TMTC2: variants seen among roughly 807,000 people sequenced by gnomAD.
The protein encoded by TMTC2 is transmembrane O-mannosyltransferase targeting cadherins 2.
In TMTC2, 43 loss-of-function variants were observed where a neutral mutation model predicts 82.4. The ratio of observed to expected loss-of-function variants is 0.52; its 90% CI spans 0.41 to 0.67. The LOEUF (loss-of-function observed/expected upper bound fraction) is 0.67. TMTC2 is among the 30% of genes least tolerant of loss of function. The probability of loss-of-function intolerance (pLI) is 0.00; values close to 1 mark genes in which losing one functional copy is unlikely to be tolerated. For synonymous variants in TMTC2, 408 were observed against 381.9 expected, an observed-to-expected ratio of 1.07 and a Z score of -0.80; for missense variants, 919 against 1,012.4, an observed-to-expected ratio of 0.91 and a Z score of 1.25.
At chr12:82,706,580 A>G (rs1172916185) in intron 1 of TMTC2, among the ~76,000 whole-genome samples, 1 of 152,194 alleles carries the variant, frequency 6.6e-6, no homozygotes, top group East Asian at 1.9e-4. Context: ...TTGGCTATAT[A>G]GGATTATATA....
intron 1 of TMTC2, among the ~76,000 whole-genome samples, chr12:82,786,358 T>C (rs1878174862): frequency 6.6e-6 from 1 of 152,078 alleles, no homozygotes; most frequent in Non-Finnish European, 1.5e-5. Flanking sequence ...AATGGAAAGG[T>C]ATCACAAGGT....
intron 1 of TMTC2, among the ~76,000 whole-genome samples, chr12:82,844,236 A>AT (rs1355628584): frequency 6.6e-6 from 1 of 152,164 alleles, no homozygotes; most frequent in African/African-American, 2.4e-5. Flanking sequence ...CAGGATGTGA[A>AT]TTTTTTTAAA....
chr12:83,008,025 C>T (rs1164149455), intron 8 of TMTC2, among the ~76,000 whole-genome samples: 1 of 151,948 alleles, frequency 6.6e-6, no homozygotes, highest in Non-Finnish European at 1.5e-5. Context: ...TGATTTTTTC[C>T]CCCCTGTTTG....
At position 82,806,119 on chromosome 12, in the gene TMTC2, A is replaced by C. The variant is rs576474663; in HGVS notation, c.84-50891A>C. The stretch of plus-strand genomic sequence containing the variant: ...TAGAGGGGAGGGAAGCACTGGGAGG[A>C]ATTGGAAGGAAATCTTATTTTGTGC... On this transcript the variant is annotated intron_variant, in intron 1 of 11. Coordinates refer to ENST00000321196, the MANE Select transcript of TMTC2 (RefSeq NM_152588.3). Among the ~76,000 whole-genome samples the C allele has an allele frequency of 1.2e-4, 18 of 152,186 alleles. 1 individual carries two copies. The South Asian group carries it at 3.5e-3, about 30-fold the overall frequency.
chr12:82,737,258 A>T (rs1049428747), intron 1 of TMTC2, among the ~76,000 whole-genome samples: 2 of 152,210 alleles, frequency 1.3e-5, no homozygotes, highest in African/African-American at 4.8e-5. Flanking sequence ...GTTTAGCAGT[A>T]ATTTAGCCAA....
At chr12:83,019,829 C>G (rs924066151) in intron 8 of TMTC2, among the ~76,000 whole-genome samples, 1 of 152,088 alleles carries the variant, frequency 6.6e-6, no homozygotes, top group Non-Finnish European at 1.5e-5. Context: ...TCCTCAGTAC[C>G]CTCAGAGTGA....
intron 1 of TMTC2, among the ~76,000 whole-genome samples, chr12:82,834,184 G>A (rs1436399034): frequency 2.0e-5 from 3 of 152,120 alleles, no homozygotes; most frequent in Non-Finnish European, 4.4e-5. Context: ...CTTACAGGAA[G>A]ACATTAATTA....
At chr12:83,113,776 A>G (rs1196263670) in intron 11 of TMTC2, among the ~76,000 whole-genome samples, 2 of 152,246 alleles carry the variant, frequency 1.3e-5, no homozygotes, top group Non-Finnish European at 2.9e-5. Flanking sequence ...GCGATGCATC[A>G]GTCAGTATGT....
intron 1 of TMTC2, among the ~76,000 whole-genome samples, chr12:82,735,137 C>T (rs1875018356): frequency 6.6e-6 from 1 of 152,028 alleles, no homozygotes; most frequent in Non-Finnish European, 1.5e-5. Flanking sequence ...TCAGGATGTG[C>T]CCCTCAAAAC....
chr12:82,899,533 A>ATG (rs1451894029), intron 3 of TMTC2, among the ~76,000 whole-genome samples: 3 of 145,550 alleles, frequency 2.1e-5, no homozygotes, highest in Non-Finnish European at 4.5e-5. Flanking sequence ...GAATATATAT[A>ATG]TGTGTGGAAT....
chr12:82,796,808 A>G (rs970041366), intron 1 of TMTC2, among the ~76,000 whole-genome samples: 4 of 152,044 alleles, frequency 2.6e-5, no homozygotes, highest in African/African-American at 9.7e-5. Context: ...CAGTTCTACA[A>G]CTTACCAGCT....
intron 4 of TMTC2, among the ~76,000 whole-genome samples, chr12:82,949,418 TA>T (rs754637945): frequency 1.3e-5 from 2 of 152,222 alleles, no homozygotes; most frequent in Non-Finnish European, 2.9e-5. Flanking sequence ...TATATGGACT[TA>T]CCAGAGTCAT....
intron 3 of TMTC2, among the ~76,000 whole-genome samples, chr12:82,925,719 T>G (rs2137235361): frequency 6.6e-6 from 1 of 152,330 alleles, no homozygotes; most frequent in Non-Finnish European, 1.5e-5. Flanking sequence ...ATGGTAAACT[T>G]AACAGATGTT....
intron 10 of TMTC2, among the ~76,000 whole-genome samples, chr12:83,055,517 C>T (rs904713411): frequency 2.0e-5 from 3 of 151,892 alleles, no homozygotes; most frequent in African/African-American, 7.3e-5. Context: ...ATATCTATAG[C>T]GTTATGAGAA....
intron 7 of TMTC2, among the ~76,000 whole-genome samples, chr12:82,969,117 C>T (rs746758148): frequency 6.6e-6 from 1 of 152,096 alleles, no homozygotes; most frequent in Non-Finnish European, 1.5e-5. Flanking sequence ...GATTAGCCTC[C>T]ATTTGACAAG....
chr12:82,926,577 A>G (rs2137236854), intron 3 of TMTC2, among the ~76,000 whole-genome samples: 1 of 152,350 alleles, frequency 6.6e-6, no homozygotes, highest in Non-Finnish European at 1.5e-5. Context: ...CTACAACTAA[A>G]CAATGGGTTT....
intron 3 of TMTC2, among the ~76,000 whole-genome samples, chr12:82,909,811 C>T (rs1056423044): frequency 5.9e-5 from 9 of 152,166 alleles, no homozygotes; most frequent in Non-Finnish European, 4.4e-5. Context: ...GAAATATCTT[C>T]AAATCTGACA....
chr12:82,758,125 T>C lies in TMTC2; in HGVS notation c.83+70456T>C, dbSNP rs540257039. ...TAAAAGAATATGAATAACCTGAATA[T>C]CTGTATACTTCTCCCAGATATCATA... On this transcript the variant is annotated intron_variant, in intron 1 of 11. Coordinates refer to ENST00000321196, the MANE Select transcript of TMTC2 (RefSeq NM_152588.3). Among the ~76,000 whole-genome samples the C allele has an allele frequency of 7.2e-4, 110 of 152,288 alleles. 1 individual carries two copies. In the South Asian group the frequency reaches 0.022, roughly 31 times the overall value.
intron 8 of TMTC2, among the ~76,000 whole-genome samples, chr12:83,011,820 A>G (rs964077940): frequency 1.3e-5 from 2 of 152,258 alleles, no homozygotes; most frequent in Non-Finnish European, 2.9e-5. Context: ...ATGAATAACT[A>G]CATGATACTG....
Sources: allele counts gnomAD v4.1 joint callset (sites outside exome capture counted in the v4.1 genomes callset), GRCh38; gene constraint gnomAD v4.1.1; transcripts MANE v1.5; gene names NCBI Gene and HGNC (gene_info 2026-07-23, HGNC 2026-07-21).